Variants in EIF2A observed in about 807,000 individuals in gnomAD.
The protein encoded by EIF2A is 65 kDa eukaryotic translation initiation factor 2A.
In EIF2A, 62 loss-of-function variants were observed where a neutral mutation model predicts 75.2. The observed-to-expected ratio is 0.82, with a 90% confidence interval of 0.67 to 1.02. The LOEUF (loss-of-function observed/expected upper bound fraction) is 1.02. EIF2A is among the 50% of genes least tolerant of loss of function. EIF2A has a pLI of 0.00. For synonymous variants in EIF2A, 207 were observed against 239.0 expected, an observed-to-expected ratio of 0.87 and a Z score of 1.23; for missense variants, 611 against 677.7, an observed-to-expected ratio of 0.90 and a Z score of 1.09.
In EIF2A at chr3:150,562,685, T is replaced by C. The variant is rs780963531; in HGVS notation, c.292+25T>C. 4.5e-6 allele frequency: 7 copies of C among 1,554,306 alleles called. No homozygotes were observed. In the South Asian group the frequency reaches 7.9e-5, roughly 18 times the overall value. ...AGTAAGTATTTTCTCAGTGTAAAAA[T>C]ACTCTGACACGATCAATTACGTTTA... On this transcript the variant is annotated intron_variant, in intron 4 of 13. Transcript: ENST00000460851.
intron 3 of EIF2A, among the ~76,000 whole-genome samples, chr3:150,560,908 T>C (rs988877952): frequency 3.9e-5 from 6 of 152,052 alleles, no homozygotes; most frequent in African/African-American, 9.7e-5. Flanking sequence ...ATTTGTAAGA[T>C]TGTTGTAAGG....
chr3:150,580,495 G>T (rs560434748), intron 11 of EIF2A, among the ~76,000 whole-genome samples: 7 of 152,256 alleles, frequency 4.6e-5, no homozygotes, highest in African/African-American at 1.7e-4. Context: ...TGCTTGTGTG[G>T]TAAGTTGAAT....
chr3:150,556,649 T>G (rs1015795117), intron 2 of EIF2A, among the ~76,000 whole-genome samples: 2 of 152,212 alleles, frequency 1.3e-5, no homozygotes, highest in Non-Finnish European at 2.9e-5. Flanking sequence ...AATAGTTACT[T>G]AAGCTTGATG....
chr3:150,580,100 T>C (rs1204470684), intron 11 of EIF2A, among the ~76,000 whole-genome samples: 1 of 152,128 alleles, frequency 6.6e-6, no homozygotes, highest in Non-Finnish European at 1.5e-5. Flanking sequence ...AATGGTAGAA[T>C]ATGGTGTTAC....
At chr3:150,563,106 A>G in intron 4 of EIF2A, among the ~76,000 whole-genome samples, 1 of 152,194 alleles carries the variant, frequency 6.6e-6, no homozygotes, top group Non-Finnish European at 1.5e-5. Flanking sequence ...ATACTTAATG[A>G]TAATACATTA....
intron 1 of EIF2A, among the ~76,000 whole-genome samples, chr3:150,547,703 C>A (rs1723118079): frequency 6.6e-6 from 1 of 152,102 alleles, no homozygotes; most frequent in Non-Finnish European, 1.5e-5. Flanking sequence ...GCGAAAGGAA[C>A]CTTAAAACAT....
At chr3:150,549,560 A>G (rs962335880) in intron 1 of EIF2A, among the ~76,000 whole-genome samples, 9 of 152,132 alleles carry the variant, frequency 5.9e-5, no homozygotes, top group African/African-American at 1.9e-4. Flanking sequence ...GCTTTCCTCC[A>G]GATTAAATTC....
intron 9 of EIF2A, among the ~76,000 whole-genome samples, 159 bp downstream of exon 9, chr3:150,568,451 C>CATCCTCCA (rs1377208684): frequency 6.6e-6 from 1 of 152,166 alleles, no homozygotes; most frequent in Non-Finnish European, 1.5e-5. Flanking sequence ...ACTTAAAAAT[C>CATCCTCCA]ATCCTCCAAC....
chr3:150,583,096 TA>T, intron 12 of EIF2A, 103 bp from the exon 13 acceptor site: 2 of 955,102 alleles, frequency 2.1e-6, no homozygotes, highest in Non-Finnish European at 3.1e-6. Context: ...GATACAAATC[TA>T]AGATAATTAA....
chr3:150,571,324 G>T (rs1037316314), intron 9 of EIF2A, among the ~76,000 whole-genome samples: 3 of 152,100 alleles, frequency 2.0e-5, no homozygotes, highest in Non-Finnish European at 4.4e-5. Context: ...AGTTTTAGTA[G>T]AGGTGGGGTT....
chr3:150,582,967 G>T, intron 12 of EIF2A: 2 of 478,202 alleles, frequency 4.2e-6, no homozygotes, highest in East Asian at 3.7e-5. Flanking sequence ...ATGCATACAC[G>T]ATAACATTAA....
chr3:150,552,802 G>A (rs1723379030), intron 2 of EIF2A: 1 of 163,790 alleles, frequency 6.1e-6, no homozygotes, highest in Admixed American at 6.2e-5. Context: ...ATTAAAAAGG[G>A]AGGACATATA....
chr3:150,584,085 ATATT>A lies in EIF2A; in HGVS notation c.*178_*181del, dbSNP rs1224680337. ...TTATTTAATAATGTCTATTAAATTG[ATATT>A]TATATCTTGCATCCTATATCATGTC... On this transcript the variant is annotated 3_prime_UTR_variant, in exon 14 of 14. Coordinates refer to ENST00000460851, the MANE Select transcript of EIF2A (RefSeq NM_032025.5). The A allele has an allele frequency of 1.7e-6, 1 of 578,834 alleles. No homozygotes were observed. Among genetic ancestry groups the A allele is most frequent in the African/African-American group, 1.9e-5 (1 of 52,646 alleles). The allele number at this position is 578,834 out of a possible 1,614,324, so 35.9% of individuals were successfully genotyped here.
intron 1 of EIF2A, among the ~76,000 whole-genome samples, chr3:150,548,374 C>T (rs1046828723): frequency 2.6e-5 from 4 of 152,196 alleles, no homozygotes; most frequent in African/African-American, 9.7e-5. Context: ...AATTTTATTT[C>T]ACTTACTAAG....
intron 2 of EIF2A, among the ~76,000 whole-genome samples, chr3:150,554,043 A>G (rs115200677): frequency 0.011 from 1,625 of 152,332 alleles, 34 homozygotes; most frequent in African/African-American, 0.037. Context: ...CAGAAAATGT[A>G]CAAGTTGAGG....
At chr3:150,582,157 C>A (rs1319764020) in intron 12 of EIF2A, among the ~76,000 whole-genome samples, 1 of 151,432 alleles carries the variant, frequency 6.6e-6, no homozygotes, top group Non-Finnish European at 1.5e-5. Context: ...TGCGCCACCA[C>A]GCCTGGCTAA....
At position 150,571,958 on chromosome 3, in the gene EIF2A, C is replaced by G; in HGVS notation, c.812C>G (p.Pro271Arg). 1 of 1,591,528 alleles carries G rather than the reference C, an allele frequency of 6.3e-7. No homozygotes were observed. The highest frequency in any genetic ancestry group is 8.5e-7 in the Non-Finnish European group (1 of 1,171,376). The stretch of plus-strand genomic sequence containing the variant: ...TTTGGGCTTTATATTCTTTTTCTAG[C>G]AAAAAATGGCCCCATTTATGATGTA... ...TNGESAVVQL[P>R]KNGPIYDVVW... Residue 271 changes from proline (P) to arginine (R), a missense_variant and splice_region_variant, in exon 10 of 14, where the codon CCA (proline) becomes CGA (arginine). Transcript: ENST00000460851.
chr3:150,578,359 T>C (rs1294070179), intron 11 of EIF2A, among the ~76,000 whole-genome samples: 2 of 148,754 alleles, frequency 1.3e-5, no homozygotes, highest in African/African-American at 2.4e-5. Flanking sequence ...AATATACAAA[T>C]TCTATTAGTT....
intron 11 of EIF2A, among the ~76,000 whole-genome samples, chr3:150,578,005 G>C (rs1192683909): frequency 6.6e-6 from 1 of 152,000 alleles, no homozygotes; most frequent in African/African-American, 2.4e-5. Context: ...TATTAGATTT[G>C]TATAAAAGCA....
Sources: gnomAD v4.1 joint callset for allele counts (sites outside exome capture counted in the v4.1 genomes callset) on GRCh38, gnomAD v4.1.1 for gene constraint, MANE v1.5 for transcripts, NCBI Gene and HGNC (gene_info 2026-07-23, HGNC 2026-07-21) for gene names.